Variants in LCMT1 observed in about 807,000 individuals in gnomAD.
The protein encoded by LCMT1 is leucine carboxyl methyltransferase 1, also known as [Phosphatase 2A protein]-leucine-carboxy methyltransferase 1.
Under a neutral mutation model 47.7 loss-of-function variants are expected in LCMT1, and 32 were observed. That is an observed-to-expected ratio of 0.67 (90% CI 0.51 to 0.90). The LOEUF (loss-of-function observed/expected upper bound fraction) is 0.90, where lower values mean the gene tolerates loss of function less well. Among genes scored for constraint, LCMT1 ranks in the 40% least tolerant of loss-of-function variants. The pLI, the probability that LCMT1 is intolerant of heterozygous loss-of-function variation, is 0.00. For synonymous variants in LCMT1, 152 were observed against 149.7 expected (o/e 1.02, Z -0.11); for missense variants, 375 against 415.2 (o/e 0.90, Z 0.84).
intron 8 of LCMT1, among the ~76,000 whole-genome samples, chr16:25,170,423 A>C (rs943027312): frequency 8.5e-5 from 13 of 152,144 alleles, no homozygotes; most frequent in Admixed American, 2.0e-4. Context: ...AGGGTCTAGG[A>C]TGGGCTTTTG....
chr16:25,164,757 TCGC>T, intron 7 of LCMT1, 39 bp downstream of exon 7: 1 of 1,613,594 alleles, frequency 6.2e-7, no homozygotes, highest in Non-Finnish European at 8.5e-7. Flanking sequence ...CCATACAGGA[TCGC>T]CGTGGTGGCT....
Position 25,124,053 on chromosome 16 carries a change from C to T in LCMT1, c.114-4422C>T, listed in dbSNP as rs116723741. Reference sequence around the variant, plus strand: ...CAGGGAATTACTGAGTATTCTTAGTCCATTTGAGTAGCTTTGCTCCAGGAG... The same window carrying T: ...CAGGGAATTACTGAGTATTCTTAGTTCATTTGAGTAGCTTTGCTCCAGGAG... On this transcript the variant is annotated intron_variant, in intron 1 of 10. Coordinates refer to ENST00000399069, the MANE Select transcript of LCMT1 (RefSeq NM_016309.3). Among the ~76,000 whole-genome samples, 352 of 152,138 alleles carry T rather than the reference C, an allele frequency of 2.3e-3. 1 individual carries two copies. Among genetic ancestry groups the T allele is most frequent in the African/African-American group, 8.2e-3 (342 of 41,474 alleles).
intron 4 of LCMT1, among the ~76,000 whole-genome samples, chr16:25,150,784 T>C (rs1478742880): frequency 1.3e-5 from 2 of 152,222 alleles, no homozygotes; most frequent in Non-Finnish European, 2.9e-5. Flanking sequence ...AGTCTGATCC[T>C]TATAAAGTGG....
chr16:25,124,004 G>T (rs552681156), intron 1 of LCMT1, among the ~76,000 whole-genome samples: 65 of 152,180 alleles, frequency 4.3e-4, no homozygotes, highest in African/African-American at 1.6e-3. Flanking sequence ...AACTTGTTTC[G>T]CAGGGGTAAG....
chr16:25,171,623 T>C (rs1961775607), intron 9 of LCMT1, among the ~76,000 whole-genome samples: 1 of 152,178 alleles, frequency 6.6e-6, no homozygotes, highest in Non-Finnish European at 1.5e-5. Context: ...GTGGAAATTT[T>C]ACATAATCCC....
chr16:25,135,375 C>T (rs767551316), intron 3 of LCMT1, among the ~76,000 whole-genome samples: 1 of 151,896 alleles, frequency 6.6e-6, no homozygotes. Context: ...TGGCCCACAG[C>T]CTGTTTTTGT....
rs113322560 is a variant in LCMT1, at chr16:25,130,232, T to C, written c.205+1666T>C. On this transcript the variant is annotated intron_variant, in intron 2 of 10. Transcript: ENST00000399069. ...GCGGGTGCCTGTAGTCCCACCTACT[T>C]CGGAGGCTGAGGCAGGAGAATGGCG... is the stretch of plus-strand genomic sequence containing the variant. Among the ~76,000 whole-genome samples, 1,496 of 151,092 alleles carry C rather than the reference T, an allele frequency of 9.9e-3. 26 individuals are homozygous for C. The highest frequency in any genetic ancestry group is 0.035 in the African/African-American group (1,429 of 41,060).
intron 1 of LCMT1, among the ~76,000 whole-genome samples, chr16:25,120,592 G>A (rs530690227): frequency 1.3e-5 from 2 of 151,694 alleles, no homozygotes; most frequent in East Asian, 1.9e-4. Context: ...CACCACACGC[G>A]GCTAATTTTT....
intron 6 of LCMT1, among the ~76,000 whole-genome samples, chr16:25,163,612 C>T (rs552842423): frequency 6.1e-4 from 93 of 152,166 alleles, no homozygotes; most frequent in Middle Eastern, 6.8e-3. Context: ...TACACATTAT[C>T]GTGTAAGGAA....
intron 3 of LCMT1, among the ~76,000 whole-genome samples, chr16:25,132,858 CTTT>C (rs34311865): frequency 3.0e-4 from 42 of 140,562 alleles, no homozygotes; most frequent in Middle Eastern, 3.5e-3. Context: ...GCATTTGTAA[CTTT>C]TTTTTTTTTT....
intron 2 of LCMT1, 29 bp from the exon 3 acceptor site, chr16:25,132,373 C>A (rs1960373547): frequency 7.4e-6 from 12 of 1,611,804 alleles, no homozygotes; most frequent in Non-Finnish European, 9.3e-6. Flanking sequence ...TGGGTGATAG[C>A]TTGTTTCTGT....
chr16:25,171,010 C>G (rs1178857450), intron 9 of LCMT1, among the ~76,000 whole-genome samples: 1 of 152,124 alleles, frequency 6.6e-6, no homozygotes, highest in Non-Finnish European at 1.5e-5. Flanking sequence ...GCGGGCAGAT[C>G]ACTTGAGGTC....
intron 6 of LCMT1, among the ~76,000 whole-genome samples, chr16:25,164,136 C>T (rs970815218): frequency 1.3e-5 from 2 of 152,104 alleles, no homozygotes; most frequent in Non-Finnish European, 2.9e-5. Flanking sequence ...TTTCCAAGTG[C>T]AGCAAGAGAG....
At chr16:25,140,478 T>C (rs1459156345) in intron 4 of LCMT1, 1 of 503,230 alleles carries the variant, frequency 2.0e-6, no homozygotes, top group Non-Finnish European at 3.5e-6. Flanking sequence ...CCCCATGTAA[T>C]TACAATTAAC....
intron 1 of LCMT1, among the ~76,000 whole-genome samples, chr16:25,123,594 T>C (rs1217384072): frequency 6.8e-6 from 1 of 147,206 alleles, no homozygotes; most frequent in Non-Finnish European, 1.5e-5. Flanking sequence ...CCCGTTAAAT[T>C]GCTTTCTTTT....
In LCMT1 at chr16:25,111,790, T is replaced by C; in HGVS notation, c.-94T>C. On this transcript the variant is annotated 5_prime_UTR_variant, in exon 1 of 11. Coordinates refer to ENST00000399069, the MANE Select transcript of LCMT1 (RefSeq NM_016309.3). ...CCAGGTAGGGCCCTACCCTCTTCTG[T>C]TGCTTTCTCCCTGTGGCTCGCGCCG... The C allele has an allele frequency of 2.4e-6, 2 of 846,340 alleles. No homozygotes were observed. Among genetic ancestry groups the C allele is most frequent in the South Asian group, 1.5e-5 (1 of 68,470 alleles). 52.4% of individuals were successfully genotyped at this position (846,340 alleles called of 1,614,324 possible).
intron 4 of LCMT1, chr16:25,144,255 T>C (rs1169354573): frequency 6.6e-6 from 1 of 152,194 alleles, no homozygotes; most frequent in Non-Finnish European, 1.5e-5. Context: ...TTTGAGTTGG[T>C]GTATAAATTT....
chr16:25,112,386 G>T (rs985997388), intron 1 of LCMT1, among the ~76,000 whole-genome samples: 16 of 152,194 alleles, frequency 1.1e-4, no homozygotes, highest in African/African-American at 3.9e-4. Context: ...TCTTTAGGGG[G>T]TTGGTGTGAT....
At chr16:25,141,221 A>C (rs1460949509) in intron 4 of LCMT1, 1 of 152,230 alleles carries the variant, frequency 6.6e-6, no homozygotes, top group Non-Finnish European at 1.5e-5. Flanking sequence ...TTAAATGACC[A>C]CTTAGGGTCC....
Sources: allele counts gnomAD v4.1 joint callset (sites outside exome capture counted in the v4.1 genomes callset), GRCh38; gene constraint gnomAD v4.1.1; transcripts MANE v1.5; gene names NCBI Gene and HGNC (gene_info 2026-07-23, HGNC 2026-07-21).